The following GNG12 variants were observed in gnomAD, a reference collection of about 807,000 sequenced individuals.
The protein encoded by GNG12 is G protein subunit gamma 12.
For synonymous variants in GNG12, 28 were observed against 29.7 expected (o/e 0.94, Z 0.19); for missense variants, 69 against 83.8 (o/e 0.82, Z 0.69).
At chr1:67,713,881 C>T (rs963414452) in intron 2 of GNG12, among the ~76,000 whole-genome samples, 10 of 152,164 alleles carry the variant, frequency 6.6e-5, no homozygotes, top group African/African-American at 2.2e-4. Context: ...AAAACATGTG[C>T]TTGGTGGGAA....
At chr1:67,739,521 C>T (rs1292110402) in intron 2 of GNG12, among the ~76,000 whole-genome samples, 4 of 152,174 alleles carry the variant, frequency 2.6e-5, no homozygotes, top group African/African-American at 2.4e-5. Context: ...GGGACAGCTA[C>T]GTTGGAAAAT....
chr1:67,706,974 CAAGG>C (rs1646252995), intron 3 of GNG12, among the ~76,000 whole-genome samples: 1 of 152,296 alleles, frequency 6.6e-6, no homozygotes, highest in Admixed American at 6.5e-5. Flanking sequence ...GCTTCAGTTT[CAAGG>C]AAGAACTAGT....
At chr1:67,731,599 G>C (rs1339068468) in intron 2 of GNG12, among the ~76,000 whole-genome samples, 1 of 152,218 alleles carries the variant, frequency 6.6e-6, no homozygotes, top group Non-Finnish European at 1.5e-5. Flanking sequence ...AGGCAGTTTG[G>C]TTCACCCGAA....
At chr1:67,790,769 C>T (rs540546579) in intron 1 of GNG12, among the ~76,000 whole-genome samples, 6 of 152,174 alleles carry the variant, frequency 3.9e-5, no homozygotes, top group Non-Finnish European at 1.5e-5. Context: ...GCCGCCACCA[C>T]CACGTCTGGC....
At chr1:67,789,026 A>G (rs1381360213) in intron 1 of GNG12, among the ~76,000 whole-genome samples, 1 of 152,230 alleles carries the variant, frequency 6.6e-6, no homozygotes, top group Non-Finnish European at 1.5e-5. Flanking sequence ...AAGCAGCGGG[A>G]GCTCAGAGCT....
intron 2 of GNG12, among the ~76,000 whole-genome samples, chr1:67,765,612 T>C: frequency 6.6e-6 from 1 of 152,220 alleles, no homozygotes; most frequent in Non-Finnish European, 1.5e-5. Flanking sequence ...TTTCAACCCT[T>C]ATTCTTCTGC....
At chr1:67,798,975 T>A (rs905984038) in intron 1 of GNG12, among the ~76,000 whole-genome samples, 2 of 151,806 alleles carry the variant, frequency 1.3e-5, no homozygotes, top group African/African-American at 4.8e-5. Context: ...AATAAATAAA[T>A]AAATAAATAA....
intron 1 of GNG12, among the ~76,000 whole-genome samples, chr1:67,805,401 A>T (rs1387270287): frequency 1.3e-5 from 2 of 152,222 alleles, no homozygotes; most frequent in East Asian, 1.9e-4. Context: ...GGAATTTTTT[A>T]AATTTAAGAT....
intron 1 of GNG12, among the ~76,000 whole-genome samples, chr1:67,801,901 A>G (rs548951018): frequency 1.3e-4 from 20 of 151,024 alleles, no homozygotes; most frequent in South Asian, 4.3e-4. Context: ...TGCCTATAAA[A>G]AAGTGGAAGA....
chr1:67,750,085 T>C (rs531943977), intron 2 of GNG12, among the ~76,000 whole-genome samples: 1 of 152,322 alleles, frequency 6.6e-6, no homozygotes, highest in South Asian at 2.1e-4. Flanking sequence ...CCTATCTTCC[T>C]TTAAACAACA....
chr1:67,741,602 A>AT (rs1299213609), intron 2 of GNG12, among the ~76,000 whole-genome samples: 2 of 152,216 alleles, frequency 1.3e-5, no homozygotes, highest in African/African-American at 4.8e-5. Context: ...AAGGTCTTTA[A>AT]TTCCACCATC....
chr1:67,783,207 A>C (rs1467036378), intron 1 of GNG12, among the ~76,000 whole-genome samples: 1 of 152,190 alleles, frequency 6.6e-6, no homozygotes, highest in Non-Finnish European at 1.5e-5. Flanking sequence ...TAAGTGTTTC[A>C]TGTTGAAAAG....
At chr1:67,779,139 T>TA (rs2100765802) in intron 1 of GNG12, among the ~76,000 whole-genome samples, 1 of 152,302 alleles carries the variant, frequency 6.6e-6, no homozygotes, top group East Asian at 1.9e-4. Context: ...GTCTTTTAGA[T>TA]AGATATCCCT....
At chr1:67,725,483 C>T (rs1646380167) in intron 2 of GNG12, among the ~76,000 whole-genome samples, 1 of 152,150 alleles carries the variant, frequency 6.6e-6, no homozygotes, top group Non-Finnish European at 1.5e-5. Context: ...GGTTAAAGTA[C>T]TTGTTTTGAG....
At chr1:67,749,672 G>C (rs1646527377) in intron 2 of GNG12, among the ~76,000 whole-genome samples, 1 of 152,168 alleles carries the variant, frequency 6.6e-6, no homozygotes, top group African/African-American at 2.4e-5. Flanking sequence ...GGACAGACTG[G>C]TTGATCTGGA....
At chr1:67,830,421 G>C (rs2249993) in intron 1 of GNG12, among the ~76,000 whole-genome samples, 98,746 of 152,086 alleles carry the variant, frequency 0.65, 32,401 homozygotes, top group Middle Eastern at 0.73. Context: ...ATAAAACAAC[G>C]ACTCACAATC....
chr1:67,721,658 C>G (rs980298749), intron 2 of GNG12, among the ~76,000 whole-genome samples: 2 of 152,184 alleles, frequency 1.3e-5, no homozygotes, highest in African/African-American at 2.4e-5. Context: ...GGGGGATACA[C>G]AGACAGACCC....
At chr1:67,793,894 T>C (rs975491938) in intron 1 of GNG12, among the ~76,000 whole-genome samples, 1 of 152,254 alleles carries the variant, frequency 6.6e-6, no homozygotes, top group South Asian at 2.1e-4. Flanking sequence ...TTAGTCACTG[T>C]TGCAGCTTTT....
At chr1:67,817,887 G>GA (rs1443222437) in intron 1 of GNG12, among the ~76,000 whole-genome samples, 1 of 145,556 alleles carries the variant, frequency 6.9e-6, no homozygotes, top group African/African-American at 2.6e-5. Context: ...CCTGGGCCCA[G>GA]AAAATCCTCC....
Sources: allele counts gnomAD v4.1 joint callset (sites outside exome capture counted in the v4.1 genomes callset), GRCh38; gene constraint gnomAD v4.1.1; transcripts MANE v1.5; gene names NCBI Gene and HGNC (gene_info 2026-07-23, HGNC 2026-07-21).